Variants in ARL15 observed in about 807,000 individuals in gnomAD.
ARL15 encodes ARF like GTPase 15, also known as ADP-ribosylation factor-like protein 15.
In ARL15, 19 loss-of-function variants were observed where a neutral mutation model predicts 25.2. That is an observed-to-expected ratio of 0.75 (90% CI 0.53 to 1.10). The LOEUF is 1.10. ARL15 is among the 50% of genes least tolerant of loss of function. ARL15 has a pLI of 0.00. For missense variants in ARL15, 220 were observed against 246.0 expected (o/e 0.89, Z 0.71); for synonymous variants, 94 against 86.8 (o/e 1.08, Z -0.46).
intron 3 of ARL15, among the ~76,000 whole-genome samples, chr5:54,124,799 T>C (rs1020559829): frequency 1.3e-5 from 2 of 152,170 alleles, no homozygotes; most frequent in Non-Finnish European, 2.9e-5. Context: ...GCATAGTCAT[T>C]CCAAGCTAAT....
intron 1 of ARL15, among the ~76,000 whole-genome samples, chr5:54,275,960 G>A (rs563396197): frequency 6.6e-6 from 1 of 151,742 alleles, no homozygotes; most frequent in Non-Finnish European, 1.5e-5. Context: ...CCCAAAGAGA[G>A]ACAGATTCTT....
At chr5:54,036,158 GAA>G (rs372984595) in intron 4 of ARL15, among the ~76,000 whole-genome samples, 2 of 123,716 alleles carry the variant, frequency 1.6e-5, no homozygotes, top group Admixed American at 8.2e-5. Context: ...TCGTAAAAAA[GAA>G]AAAAAAAAAG....
At position 53,943,313 on chromosome 5, in the gene ARL15, T is replaced by C. The variant is rs901498659; in HGVS notation, c.463-56600A>G. Among the ~76,000 whole-genome samples the C allele has an allele frequency of 2.6e-5, 4 of 152,086 alleles. No individual in the cohort carries two copies. In the East Asian group the frequency reaches 5.8e-4, roughly 22 times the overall value. On this transcript the variant is annotated intron_variant, in intron 4 of 4. Transcript: ENST00000504924. The stretch of plus-strand genomic sequence containing the variant: ...TAAGAAAGTGTGTGTAAAAGGTTAG[T>C]AGATTTTTTGTTTTGATGATTTTTA...
chr5:54,069,425 G>T (rs746466967), intron 4 of ARL15, among the ~76,000 whole-genome samples: 1 of 151,864 alleles, frequency 6.6e-6, no homozygotes, highest in Non-Finnish European at 1.5e-5. Flanking sequence ...ACAAAAATTA[G>T]CTGGGAGTGA....
rs3846493 is a variant in ARL15, at chr5:54,227,024, C to G, written c.49-55096G>C. On this transcript the variant is annotated intron_variant, in intron 1 of 4. Transcript: ENST00000504924. ...TATGTAAGACATCCCTTGCTTTTCC[C>G]CCATGATTGTGTGGCCTCCCTAGCC... is the stretch of plus-strand genomic sequence containing the variant. Among the ~76,000 whole-genome samples, 1,271 of 151,998 alleles carry G rather than the reference C, an allele frequency of 8.4e-3. 6 individuals are homozygous for G. Among genetic ancestry groups the G allele is most frequent in the Non-Finnish European group, 0.013 (910 of 67,980 alleles).
At chr5:54,097,085 G>A (rs1037058613) in intron 4 of ARL15, among the ~76,000 whole-genome samples, 4 of 151,978 alleles carry the variant, frequency 2.6e-5, no homozygotes, top group Non-Finnish European at 5.9e-5. Context: ...CACAGGCCGG[G>A]CACAGTGGCT....
intron 1 of ARL15, among the ~76,000 whole-genome samples, chr5:54,264,007 C>T (rs1757561854): frequency 6.6e-6 from 1 of 152,126 alleles, no homozygotes; most frequent in South Asian, 2.1e-4. Context: ...CAGTATATCA[C>T]AGAATACCTG....
intron 2 of ARL15, among the ~76,000 whole-genome samples, chr5:54,170,356 T>C (rs529983423): frequency 6.6e-6 from 1 of 152,314 alleles, no homozygotes; most frequent in East Asian, 1.9e-4. Flanking sequence ...CTCCACATCA[T>C]GGCCAGCTTG....
intron 1 of ARL15, among the ~76,000 whole-genome samples, chr5:54,250,029 C>T (rs1757200237): frequency 6.6e-6 from 1 of 152,124 alleles, no homozygotes; most frequent in South Asian, 2.1e-4. Flanking sequence ...TTAATTGGCT[C>T]ACAGTTCTGC....
chr5:53,919,604 A>T (rs1035227201), intron 4 of ARL15, among the ~76,000 whole-genome samples: 1 of 152,210 alleles, frequency 6.6e-6, no homozygotes, highest in Non-Finnish European at 1.5e-5. Flanking sequence ...CTGTGTGTGC[A>T]CTCAGAATAA....
intron 1 of ARL15, among the ~76,000 whole-genome samples, chr5:54,232,731 T>C (rs1756704841): frequency 6.6e-6 from 1 of 152,142 alleles, no homozygotes; most frequent in Non-Finnish European, 1.5e-5. Flanking sequence ...TCAAGACACA[T>C]TCTTTTCTCC....
At position 53,892,182 on chromosome 5, in the gene ARL15, T is replaced by C. The variant is rs552808703; in HGVS notation, c.463-5469A>G. On this transcript the variant is annotated intron_variant, in intron 4 of 4. Transcript: ENST00000504924. ...TAGTTCTTAAATCACAGAACTCAAT[T>C]TGAATAAAAAGTATCTGGATAGAAG... Among the ~76,000 whole-genome samples the C allele has an allele frequency of 1.9e-4, 29 of 152,336 alleles. 1 individual carries two copies. The South Asian group carries it at 4.3e-3, about 23-fold the overall frequency.
chr5:54,098,407 T>G (rs1752347658), intron 4 of ARL15, among the ~76,000 whole-genome samples: 1 of 152,144 alleles, frequency 6.6e-6, no homozygotes, highest in Non-Finnish European at 1.5e-5. Context: ...TCCCACTTTC[T>G]GTCTAGCCAT....
intron 4 of ARL15, among the ~76,000 whole-genome samples, chr5:53,943,400 T>C (rs1404063603): frequency 2.0e-5 from 3 of 151,946 alleles, no homozygotes; most frequent in African/African-American, 7.3e-5. Flanking sequence ...TACTGAAGGT[T>C]TGAGAGAGGA....
intron 1 of ARL15, among the ~76,000 whole-genome samples, chr5:54,294,817 TC>T (rs1467767078): frequency 1.3e-5 from 2 of 152,244 alleles, no homozygotes; most frequent in Admixed American, 1.3e-4. Flanking sequence ...TTAATATCAC[TC>T]ACTGCAGTTA....
chr5:54,134,549 TCC>T (rs1753537076), intron 3 of ARL15, among the ~76,000 whole-genome samples: 1 of 141,182 alleles, frequency 7.1e-6, no homozygotes, highest in Non-Finnish European at 1.5e-5. Flanking sequence ...GCCTGTGAGC[TCC>T]CTGAAGGAAT....
At chr5:54,154,189 A>C (rs576270944) in intron 3 of ARL15, among the ~76,000 whole-genome samples, 7 of 152,216 alleles carry the variant, frequency 4.6e-5, no homozygotes, top group East Asian at 1.9e-4. Flanking sequence ...AAAAGATCTA[A>C]TACAATAAAA....
At chr5:54,071,354 C>T (rs989696591) in intron 4 of ARL15, among the ~76,000 whole-genome samples, 2 of 151,982 alleles carry the variant, frequency 1.3e-5, no homozygotes, top group East Asian at 1.9e-4. Flanking sequence ...TGAAAATATA[C>T]ACATTGAACA....
intron 1 of ARL15, among the ~76,000 whole-genome samples, chr5:54,174,149 G>A (rs1754798017): frequency 6.6e-6 from 1 of 152,134 alleles, no homozygotes. Context: ...GTGTCTAGCA[G>A]AGAACATGGC....
Sources: gnomAD v4.1 joint callset for allele counts (sites outside exome capture counted in the v4.1 genomes callset) on GRCh38, gnomAD v4.1.1 for gene constraint, MANE v1.5 for transcripts, NCBI Gene and HGNC (gene_info 2026-07-23, HGNC 2026-07-21) for gene names.